TNKS: variants seen among roughly 807,000 people sequenced by gnomAD.
The protein encoded by TNKS is tankyrase, also known as poly [ADP-ribose] polymerase tankyrase-1.
Under a neutral mutation model 135.8 loss-of-function variants are expected in TNKS, and 72 were observed. The observed-to-expected ratio is 0.53, with a 90% confidence interval of 0.44 to 0.64. The LOEUF is 0.64. TNKS is among the 30% of genes least tolerant of loss of function. TNKS has a pLI of 0.00. For missense variants in TNKS, 1,769 were observed against 1,674.0 expected, an observed-to-expected ratio of 1.06 and a Z score of -0.99; for synonymous variants, 849 against 649.3, an observed-to-expected ratio of 1.31 and a Z score of -4.68.
intron 3 of TNKS, among the ~76,000 whole-genome samples, chr8:9,677,079 G>T (rs1802572989): frequency 6.6e-6 from 1 of 152,102 alleles, no homozygotes; most frequent in South Asian, 2.1e-4. Flanking sequence ...AGAGTGTGAG[G>T]GGCTCTAAAT....
chr8:9,711,852 C>T (rs955232616), intron 11 of TNKS, among the ~76,000 whole-genome samples: 6 of 152,104 alleles, frequency 3.9e-5, no homozygotes, highest in African/African-American at 1.2e-4. Flanking sequence ...ATAAATGAAT[C>T]ACCCAGCCGT....
chr8:9,726,646 A>AC lies in TNKS; in HGVS notation c.1928dup (p.Pro644ThrfsTer6). On this transcript the variant is annotated frameshift_variant, in exon 13 of 27. Coordinates refer to ENST00000310430, the MANE Select transcript of TNKS (RefSeq NM_003747.3). LOFTEE classifies it high-confidence loss of function. ...CTTTCCTTCCTTTTATGCAGAGAGTACACCTATACGTACTTCTGATGTTGA... is the reference window on the plus strand; with the variant it reads ...CTTTCCTTCCTTTTATGCAGAGAGTACCACCTATACGTACTTCTGATGTTGA... 6.2e-7 allele frequency: 1 copy of AC among 1,610,456 alleles called. No individual in the cohort carries two copies. Among genetic ancestry groups the AC allele is most frequent in the Non-Finnish European group, 8.5e-7 (1 of 1,178,098 alleles).
At chr8:9,582,781 T>C (rs1055111865) in intron 2 of TNKS, among the ~76,000 whole-genome samples, 2 of 152,190 alleles carry the variant, frequency 1.3e-5, no homozygotes, top group Non-Finnish European at 2.9e-5. Flanking sequence ...ACTATTATTA[T>C]TGTTGGTGCT....
At position 9,781,343 on chromosome 8, in the gene TNKS, G is replaced by C. The variant is rs1220702139; in HGVS notation, c.*4607G>C. 1 of 152,192 alleles carries C rather than the reference G, an allele frequency of 6.6e-6. No homozygotes were observed. Among genetic ancestry groups the C allele is most frequent in the Non-Finnish European group, 1.5e-5 (1 of 68,046 alleles). 9.4% of individuals were successfully genotyped at this position (152,192 alleles called of 1,614,324 possible). A position where few individuals can be genotyped will look rare whatever the true frequency, so the allele number is the denominator to read the frequency against. On this transcript the variant is annotated 3_prime_UTR_variant, in exon 27 of 27. Coordinates refer to ENST00000310430, the MANE Select transcript of TNKS (RefSeq NM_003747.3). Reference sequence around the variant, plus strand: ...AGGCAGCCCTGAAAGCCCTTGTGTTGATTCAGAGTGTTTGCAGAGAAATGC... The same window carrying C: ...AGGCAGCCCTGAAAGCCCTTGTGTTCATTCAGAGTGTTTGCAGAGAAATGC...
chr8:9,615,626 G>T lies in TNKS; in HGVS notation c.943G>T (p.Gly315Trp), dbSNP rs757597630. 6.2e-7 allele frequency: 1 copy of T among 1,613,512 alleles called. No homozygotes were observed. The highest frequency in any genetic ancestry group is 1.3e-5 in the African/African-American group (1 of 74,874). ...TGACCCAAACATTCGGAACACTGAT[G>T]GGAAATCAGCCCTGGACCTGGCAGA... ...GADPNIRNTD[G>W]KSALDLADPS... The change falls in exon 3 of 27, where the codon GGG (glycine) becomes TGG (tryptophan). Residue 315 changes from glycine to tryptophan, a missense_variant. Gly to Trp is a radical substitution (Grantham distance 184). Coordinates refer to ENST00000310430, the MANE Select transcript of TNKS (RefSeq NM_003747.3).
intron 21 of TNKS, 45 bp downstream of exon 21, chr8:9,761,681 C>T (rs368340162): frequency 1.9e-6 from 3 of 1,572,434 alleles, no homozygotes; most frequent in Non-Finnish European, 1.7e-6. Context: ...ATCAGTGGTA[C>T]AAGGTAAGTA....
chr8:9,661,173 G>C (rs1019037454), intron 3 of TNKS, among the ~76,000 whole-genome samples: 2 of 151,852 alleles, frequency 1.3e-5, no homozygotes, highest in Non-Finnish European at 2.9e-5. Context: ...GTAATTTCTA[G>C]ATTCAATGCG....
chr8:9,646,380 C>A (rs1800920273), intron 3 of TNKS, among the ~76,000 whole-genome samples: 1 of 151,962 alleles, frequency 6.6e-6, no homozygotes. Context: ...CTTCAGTGAT[C>A]TGTAGTTATT....
intron 1 of TNKS, among the ~76,000 whole-genome samples, chr8:9,576,010 T>G (rs908649928): frequency 3.3e-5 from 5 of 152,086 alleles, no homozygotes; most frequent in African/African-American, 9.7e-5. Context: ...AGGGCACTCT[T>G]CCTCCCACAC....
At chr8:9,746,484 C>T (rs973337606) in intron 17 of TNKS, among the ~76,000 whole-genome samples, 9 of 152,114 alleles carry the variant, frequency 5.9e-5, no homozygotes, top group African/African-American at 2.2e-4. Context: ...TAGTTCTTCT[C>T]CAGCTTCCAT....
At chr8:9,760,094 G>GAAAA (rs1044656699) in intron 20 of TNKS, among the ~76,000 whole-genome samples, 2 of 151,732 alleles carry the variant, frequency 1.3e-5, no homozygotes, top group Non-Finnish European at 2.9e-5. Context: ...ATATTTAGAA[G>GAAAA]AAAAAAATGG....
chr8:9,572,992 G>C (rs1053441137), intron 1 of TNKS, among the ~76,000 whole-genome samples: 2 of 151,826 alleles, frequency 1.3e-5, no homozygotes, highest in Non-Finnish European at 2.9e-5. Flanking sequence ...AAAGTGGACT[G>C]ATAATACTTA....
Position 9,780,874 on chromosome 8 carries a change from T to G in TNKS, c.*4138T>G, listed in dbSNP as rs960255303. ...TCAATTTCTCCATATTGGAACTTCC[T>G]CAGCTACCAGATTTCTGGTTTGGAG... On this transcript the variant is annotated 3_prime_UTR_variant, in exon 27 of 27. Transcript: ENST00000310430. The G allele has an allele frequency of 3.3e-5, 5 of 152,240 alleles. No individual in the cohort carries two copies. The highest frequency in any genetic ancestry group is 1.2e-4 in the African/African-American group (5 of 41,460). 9.4% of individuals were successfully genotyped at this position (152,240 alleles called of 1,614,324 possible). A position where few individuals can be genotyped will look rare whatever the true frequency, so the allele number is the denominator to read the frequency against.
intron 2 of TNKS, among the ~76,000 whole-genome samples, chr8:9,581,344 T>A (rs1489965546): frequency 6.6e-6 from 1 of 152,226 alleles, no homozygotes; most frequent in Non-Finnish European, 1.5e-5. Context: ...CATTATCCTT[T>A]GCTACTTGAG....
chr8:9,701,297 A>G (rs537501203), intron 5 of TNKS, among the ~76,000 whole-genome samples: 51 of 152,324 alleles, frequency 3.3e-4, no homozygotes, highest in African/African-American at 1.2e-3. Flanking sequence ...ACTTTTGTTC[A>G]TTTTCAGGAA....
intron 1 of TNKS, among the ~76,000 whole-genome samples, chr8:9,567,212 C>G (rs1797577083): frequency 6.6e-6 from 1 of 152,184 alleles, no homozygotes; most frequent in African/African-American, 2.4e-5. Context: ...CATATTCCCT[C>G]CAGTCCTTCT....
intron 20 of TNKS, among the ~76,000 whole-genome samples, chr8:9,754,172 T>A (rs1806708986): frequency 6.6e-6 from 1 of 152,214 alleles, no homozygotes; most frequent in South Asian, 2.1e-4. Context: ...AAGGTGACAT[T>A]CACAGGTTCT....
chr8:9,735,290 T>G (rs1805638678), intron 16 of TNKS, 87 bp from the exon 17 acceptor site: 2 of 1,311,288 alleles, frequency 1.5e-6, no homozygotes, highest in Non-Finnish European at 2.2e-6. Flanking sequence ...TATTAAAACC[T>G]TAACATTTTC....
intron 5 of TNKS, among the ~76,000 whole-genome samples, chr8:9,701,557 A>G (rs892404816): frequency 1.3e-5 from 2 of 152,266 alleles, no homozygotes; most frequent in Non-Finnish European, 2.9e-5. Flanking sequence ...CCAAGATAGA[A>G]TAAGAGGGAC....
Sources: gnomAD v4.1 joint callset for allele counts (sites outside exome capture counted in the v4.1 genomes callset) on GRCh38, gnomAD v4.1.1 for gene constraint, MANE v1.5 for transcripts, NCBI Gene and HGNC (gene_info 2026-07-23, HGNC 2026-07-21) for gene names.